CBFB: variants seen among roughly 807,000 people sequenced by gnomAD.
The protein encoded by CBFB is core-binding factor subunit beta.
A neutral mutation model predicts 30.4 loss-of-function variants in CBFB; 9 were observed. The ratio of observed to expected loss-of-function variants is 0.30; its 90% CI spans 0.18 to 0.52. The LOEUF (loss-of-function observed/expected upper bound fraction) is 0.52. Ranked by LOEUF, CBFB falls within the 20% of genes least tolerant of loss-of-function variation. CBFB has a pLI of 0.97. For synonymous variants in CBFB, 94 were observed against 84.0 expected, an observed-to-expected ratio of 1.12 and a Z score of -0.65; for missense variants, 170 against 244.0, an observed-to-expected ratio of 0.70 and a Z score of 2.02.
chr16:67,029,309 C>T lies in CBFB; in HGVS notation c.-99C>T. 2 of 783,766 alleles carry T rather than the reference C, an allele frequency of 2.6e-6. No individual in the cohort carries two copies. Among genetic ancestry groups the T allele is most frequent in the Non-Finnish European group, 3.5e-6 (2 of 572,338 alleles). The allele number at this position is 783,766 out of a possible 1,614,324, so 48.6% of individuals were successfully genotyped here. On this transcript the variant is annotated 5_prime_UTR_variant, in exon 1 of 6. Transcript: ENST00000412916. ...AAACAAAGGGAAGCGGGCGTCCGGG[C>T]GCCGCGGGTGGGCGGTCAGTCGGTC...
chr16:67,097,913 C>T (rs541296148), intron 5 of CBFB, among the ~76,000 whole-genome samples: 245 of 152,050 alleles, frequency 1.6e-3, no homozygotes, highest in African/African-American at 5.6e-3. Flanking sequence ...CAGTCCAGCC[C>T]GGGCAACATA....
At chr16:67,038,232 T>G (rs1966473312) in intron 3 of CBFB, among the ~76,000 whole-genome samples, 1 of 151,854 alleles carries the variant, frequency 6.6e-6, no homozygotes, top group Non-Finnish European at 1.5e-5. Context: ...TTATGTAAAA[T>G]GTGAGAAATG....
chr16:67,087,811 TCA>T (rs1184755049), intron 5 of CBFB, among the ~76,000 whole-genome samples: 1 of 152,184 alleles, frequency 6.6e-6, no homozygotes, highest in Non-Finnish European at 1.5e-5. Flanking sequence ...CCTAATTTTC[TCA>T]CAGAATTTGA....
Position 67,099,126 on chromosome 16 carries a change from T to A in CBFB, c.*348T>A. ...GTCATTTAAAAACAAGTCAAGAAATTAAAATTGTATCAGAGGGTTTTCTCT... is the reference window on the plus strand; with the variant it reads ...GTCATTTAAAAACAAGTCAAGAAATAAAAATTGTATCAGAGGGTTTTCTCT... On this transcript the variant is annotated 3_prime_UTR_variant, in exon 6 of 6. Transcript: ENST00000412916. 3.7e-6 allele frequency: 1 copy of A among 267,464 alleles called. No individual in the cohort carries two copies. The highest frequency in any genetic ancestry group is 7.0e-6 in the Non-Finnish European group (1 of 141,944). The allele number at this position is 267,464 out of a possible 1,614,324, so 16.6% of individuals were successfully genotyped here. A position where few individuals can be genotyped will look rare whatever the true frequency, so the allele number is the denominator to read the frequency against.
At chr16:67,040,908 C>G (rs1597125774) in intron 3 of CBFB, among the ~76,000 whole-genome samples, 1 of 152,098 alleles carries the variant, frequency 6.6e-6, no homozygotes, top group Non-Finnish European at 1.5e-5. Flanking sequence ...ACAAAGGAAA[C>G]AGCCATTATA....
chr16:67,083,361 T>G (rs1352029694), intron 5 of CBFB, among the ~76,000 whole-genome samples: 2 of 151,710 alleles, frequency 1.3e-5, no homozygotes, highest in Non-Finnish European at 2.9e-5. Flanking sequence ...AGTAGCGTGA[T>G]CTCGGCTCAC....
At chr16:67,044,315 AT>A (rs1567606999) in intron 3 of CBFB, among the ~76,000 whole-genome samples, 1 of 152,088 alleles carries the variant, frequency 6.6e-6, no homozygotes, top group African/African-American at 2.4e-5. Flanking sequence ...GCTACTGTTC[AT>A]TTTTTTCTGT....
At chr16:67,052,449 G>A (rs1472585285) in intron 3 of CBFB, among the ~76,000 whole-genome samples, 1 of 151,858 alleles carries the variant, frequency 6.6e-6, no homozygotes, top group Non-Finnish European at 1.5e-5. Context: ...AGTGGGGTGT[G>A]CCTGTAGTCC....
intron 3 of CBFB, among the ~76,000 whole-genome samples, chr16:67,051,912 TACACACAC>T (rs112469458): frequency 2.2e-3 from 324 of 144,014 alleles, no homozygotes; most frequent in South Asian, 4.9e-3. Flanking sequence ...TATATGTGTA[TACACACAC>T]ACACACACAC....
Position 67,098,352 on chromosome 16 carries a change from G to C in CBFB, c.496-358G>C, listed in dbSNP as rs1441881316. Among the ~76,000 whole-genome samples, 7 of 152,090 alleles carry C rather than the reference G, an allele frequency of 4.6e-5. No individual in the cohort carries two copies. The East Asian group carries it at 1.2e-3, about 25-fold the overall frequency. On this transcript the variant is annotated intron_variant, in intron 5 of 5. Transcript: ENST00000412916. ...GGGTTTCACCATTTTGGCCAGGCTG[G>C]TCTCGAACTCCTGACCTCAAATGAT...
At chr16:67,089,132 A>G (rs915860126) in intron 5 of CBFB, among the ~76,000 whole-genome samples, 1 of 152,202 alleles carries the variant, frequency 6.6e-6, no homozygotes, top group Admixed American at 6.5e-5. Flanking sequence ...GCAGATTATC[A>G]TTAACTTGAA....
chr16:67,061,190 C>T (rs909583582), intron 3 of CBFB, among the ~76,000 whole-genome samples: 1 of 152,136 alleles, frequency 6.6e-6, no homozygotes, highest in African/African-American at 2.4e-5. Context: ...CCTTACTTTT[C>T]CAGAAGAACA....
chr16:67,082,379 T>A lies in CBFB; in HGVS notation c.495+71T>A, dbSNP rs778752085. The A allele has an allele frequency of 1.9e-6, 3 of 1,570,318 alleles. No homozygotes were observed. In the South Asian group the frequency reaches 3.6e-5, roughly 19 times the overall value. ...CCAAACTCTCAGGCTGTGTTTGTGA[T>A]GTTTGTGCATAATGCTTTTTAATAG... On this transcript the variant is annotated intron_variant, in intron 5 of 5. Coordinates refer to ENST00000412916, the MANE Select transcript of CBFB (RefSeq NM_022845.3).
At chr16:67,084,984 C>A (rs1049008078) in intron 5 of CBFB, among the ~76,000 whole-genome samples, 2 of 152,168 alleles carry the variant, frequency 1.3e-5, no homozygotes, top group Non-Finnish European at 2.9e-5. Flanking sequence ...ACATGTGAAA[C>A]CACTTTTAGC....
intron 2 of CBFB, chr16:67,030,134 C>T (rs910555383): frequency 4.8e-5 from 13 of 268,220 alleles, no homozygotes; most frequent in South Asian, 1.0e-4. Context: ...GTATTTGTAG[C>T]AAGCAAACCC....
At chr16:67,030,344 A>T (rs1444150745) in intron 2 of CBFB, among the ~76,000 whole-genome samples, 1 of 152,118 alleles carries the variant, frequency 6.6e-6, no homozygotes, top group Non-Finnish European at 1.5e-5. Flanking sequence ...TAGAATGTTA[A>T]GCTTCAGGAG....
rs1961070081 is a variant in CBFB at position 67,066,721 on chromosome 16, G to A, written c.322G>A (p.Val108Ile). 1.2e-6 allele frequency: 2 copies of A among 1,609,660 alleles called. No homozygotes were observed. The change falls in exon 4 of 6, where the codon GTT (valine) becomes ATT (isoleucine). Residue 108 changes from valine to isoleucine, a missense_variant. Physicochemically the swap from Val to Ile is conservative, Grantham distance 29 (BLOSUM62 3). Transcript: ENST00000412916. ...KAPMILNGVC[V>I]IWKGWIDLQR... ...TCCCATGATTCTGAATGGAGTCTGT[G>A]TTATCTGGAAAGGCTGGATTGATCT... is the stretch of plus-strand genomic sequence containing the variant.
At chr16:67,086,304 C>T (rs906557918) in intron 5 of CBFB, among the ~76,000 whole-genome samples, 3 of 152,156 alleles carry the variant, frequency 2.0e-5, no homozygotes, top group Non-Finnish European at 2.9e-5. Flanking sequence ...CTTTTCTGTC[C>T]GTCAAGGCCC....
intron 3 of CBFB, among the ~76,000 whole-genome samples, chr16:67,045,777 C>T (rs66907233): frequency 0.21 from 31,195 of 151,084 alleles, 6,340 homozygotes; most frequent in African/African-American, 0.53. Context: ...CTCTTCCCCT[C>T]CTTCCTTCTA....
Sources: gnomAD v4.1 joint callset for allele counts (sites outside exome capture counted in the v4.1 genomes callset) on GRCh38, gnomAD v4.1.1 for gene constraint, MANE v1.5 for transcripts, NCBI Gene and HGNC (gene_info 2026-07-23, HGNC 2026-07-21) for gene names.